The following TANC2 variants were observed in gnomAD, a reference collection of about 807,000 sequenced individuals.
TANC2 encodes the protein tetratricopeptide repeat, ankyrin repeat and coiled-coil containing 2, also known as protein TANC2.
A neutral mutation model predicts 210.5 loss-of-function variants in TANC2; 26 were observed. The observed-to-expected ratio is 0.12, with a 90% CI of 0.09 to 0.17. The LOEUF (loss-of-function observed/expected upper bound fraction) is 0.17, where lower values mean the gene tolerates loss of function less well. TANC2 is among the 10% of genes least tolerant of loss of function. The probability of loss-of-function intolerance (pLI) is 1.00; values close to 1 mark genes in which losing one functional copy is unlikely to be tolerated. For missense variants in TANC2, 2,129 were observed against 2,608.9 expected (o/e 0.82, Z 4.01); for synonymous variants, 931 against 967.1 (o/e 0.96, Z 0.69).
chr17:63,145,763 T>G (rs2145354337), intron 4 of TANC2, among the ~76,000 whole-genome samples: 1 of 152,298 alleles, frequency 6.6e-6, no homozygotes, highest in Non-Finnish European at 1.5e-5. Context: ...TATATGTCTG[T>G]CTTTATGCCA....
At chr17:63,415,166 C>G (rs550795064) in intron 25 of TANC2, among the ~76,000 whole-genome samples, 6 of 152,292 alleles carry the variant, frequency 3.9e-5, no homozygotes, top group African/African-American at 1.4e-4. Context: ...CTTTGGAGTG[C>G]TTGGGGTTAG....
intron 11 of TANC2, among the ~76,000 whole-genome samples, chr17:63,331,314 T>C (rs138422092): frequency 1.3e-5 from 2 of 152,358 alleles, no homozygotes; most frequent in African/African-American, 2.4e-5. Context: ...ATTATTTCTT[T>C]AGAATGATGT....
chr17:63,018,306 C>T (rs1421297819), intron 2 of TANC2, among the ~76,000 whole-genome samples: 2 of 151,620 alleles, frequency 1.3e-5, no homozygotes, highest in South Asian at 4.2e-4. Context: ...ACCTGGCCAA[C>T]GTGGAGAAAC....
intron 11 of TANC2, among the ~76,000 whole-genome samples, chr17:63,337,837 T>G (rs144108861): frequency 6.5e-4 from 99 of 152,304 alleles, no homozygotes; most frequent in Non-Finnish European, 1.2e-3. Flanking sequence ...TTCTCATCTT[T>G]TAGCTCTCAC....
chr17:63,356,480 T>C (rs980273262), intron 14 of TANC2, among the ~76,000 whole-genome samples: 8 of 152,224 alleles, frequency 5.3e-5, no homozygotes, highest in African/African-American at 1.9e-4. Context: ...GGGGTTTTAT[T>C]GCCCTTCACC....
At chr17:63,325,443 T>G (rs952026605) in intron 11 of TANC2, among the ~76,000 whole-genome samples, 3 of 152,216 alleles carry the variant, frequency 2.0e-5, no homozygotes, top group African/African-American at 7.2e-5. Context: ...AAATATTGCT[T>G]CTTCTAAAAA....
chr17:63,347,113 C>T (rs760202423), intron 12 of TANC2, among the ~76,000 whole-genome samples: 1 of 152,158 alleles, frequency 6.6e-6, no homozygotes, highest in Non-Finnish European at 1.5e-5. Flanking sequence ...AACACTTGTA[C>T]AAGAATGTTT....
intron 4 of TANC2, among the ~76,000 whole-genome samples, chr17:63,105,821 A>C (rs1040275006): frequency 6.6e-6 from 1 of 151,650 alleles, no homozygotes; most frequent in African/African-American, 2.4e-5. Context: ...GCATCTGAGT[A>C]AATATCTTGC....
chr17:63,267,195 T>G (rs1336610587), intron 8 of TANC2, among the ~76,000 whole-genome samples: 1 of 152,168 alleles, frequency 6.6e-6, no homozygotes, highest in African/African-American at 2.4e-5. Flanking sequence ...TTTCTTATAA[T>G]TTGAAACATT....
chr17:63,287,179 T>C (rs2044249962), intron 9 of TANC2, among the ~76,000 whole-genome samples: 1 of 152,170 alleles, frequency 6.6e-6, no homozygotes, highest in Non-Finnish European at 1.5e-5. Flanking sequence ...GTGATCTGCC[T>C]ACCTCAGCAT....
At chr17:63,287,896 C>T (rs548336603) in intron 9 of TANC2, among the ~76,000 whole-genome samples, 54 of 152,112 alleles carry the variant, frequency 3.6e-4, no homozygotes, top group African/African-American at 1.1e-3. Context: ...GGCTGGGTCT[C>T]GATCTCCTGA....
intron 4 of TANC2, among the ~76,000 whole-genome samples, chr17:63,104,679 A>G (rs1428128976): frequency 6.6e-6 from 1 of 152,214 alleles, no homozygotes; most frequent in Admixed American, 6.5e-5. Context: ...GCAGACATAC[A>G]TACACACATG....
At chr17:63,145,911 G>A (rs1430277745) in intron 4 of TANC2, among the ~76,000 whole-genome samples, 1 of 151,780 alleles carries the variant, frequency 6.6e-6, no homozygotes, top group Non-Finnish European at 1.5e-5. Context: ...ATTTTAAGAT[G>A]GATGTTTCTA....
rs779654816 is a variant in TANC2, at chr17:63,420,471, C to A, written c.4741C>A (p.His1581Asn). 1 of 1,614,012 alleles carries A rather than the reference C, an allele frequency of 6.2e-7. No homozygotes were observed. The highest frequency in any genetic ancestry group is 8.5e-7 in the Non-Finnish European group (1 of 1,179,896). The change falls in exon 28 of 28, where the codon CAT becomes AAT. Residue 1581 changes from histidine (H) to asparagine (N), a missense_variant. His to Asn is a moderately conservative substitution (Grantham distance 68). This residue lies in a region of TANC2 where 584 missense variants were observed against 627.3 expected (regional missense o/e 0.93). Transcript: ENST00000689528. This position sits in a 1 kb window ranked among gnomAD's most constrained non-coding sequence, Gnocchi z 4.2. ...CCTTTCTCCAACTCATCAGAACTCA[C>A]ATTACAGGCCTAGCCCACCACACAC... is the stretch of plus-strand genomic sequence containing the variant.
chr17:63,200,882 A>G (rs201042925), exon 7 of TANC2: 8 of 1,613,834 alleles, frequency 5.0e-6, no homozygotes, highest in African/African-American at 2.7e-5. Context: ...TACAAATGCA[A>G]CTGCCAAGGA....
chr17:63,192,901 C>T (rs1276839492), intron 5 of TANC2, among the ~76,000 whole-genome samples: 3 of 152,076 alleles, frequency 2.0e-5, no homozygotes, highest in Non-Finnish European at 2.9e-5. Context: ...TATAAATTCT[C>T]GTATCTGTTG....
chr17:63,316,338 A>G (rs1195602706), intron 10 of TANC2, among the ~76,000 whole-genome samples: 1 of 152,212 alleles, frequency 6.6e-6, no homozygotes, highest in East Asian at 1.9e-4. Flanking sequence ...TCAGAGTTGC[A>G]GATAACAGAG....
intron 2 of TANC2, among the ~76,000 whole-genome samples, chr17:63,051,026 C>T (rs2035563591): frequency 6.6e-6 from 1 of 152,138 alleles, no homozygotes; most frequent in Non-Finnish European, 1.5e-5. Context: ...AGGCCATGGT[C>T]CACACCATTG....
intron 1 of TANC2, among the ~76,000 whole-genome samples, chr17:62,968,752 C>G (rs372396319): frequency 3.9e-5 from 6 of 152,158 alleles, no homozygotes; most frequent in Non-Finnish European, 8.8e-5. Context: ...TTATGTAGAT[C>G]TGTGAATCAC....
Sources: allele counts gnomAD v4.1 joint callset (sites outside exome capture counted in the v4.1 genomes callset), GRCh38; gene constraint gnomAD v4.1.1; regional missense constraint gnomAD v4.1.1; non-coding constraint Gnocchi (gnomAD v3.1); transcripts MANE v1.5; gene names NCBI Gene and HGNC (gene_info 2026-07-23, HGNC 2026-07-21).